DOCK2: variants seen among roughly 807,000 people sequenced by gnomAD.
DOCK2 encodes dedicator of cytokinesis protein 2.
Under a neutral mutation model 248.9 loss-of-function variants are expected in DOCK2, and 87 were observed. That is an observed-to-expected ratio of 0.35 (90% CI 0.29 to 0.42). The LOEUF is 0.42. Ranked by LOEUF, DOCK2 falls within the 10% of genes least tolerant of loss-of-function variation. The pLI, the probability that DOCK2 is intolerant of heterozygous loss-of-function variation, is 1.00. For missense variants in DOCK2, 1,747 were observed against 2,300.2 expected (o/e 0.76, Z 4.92); for synonymous variants, 805 against 821.6 (o/e 0.98, Z 0.35).
intron 25 of DOCK2, among the ~76,000 whole-genome samples, chr5:169,781,275 T>A (rs1765702430): frequency 6.6e-6 from 1 of 152,180 alleles, no homozygotes; most frequent in African/African-American, 2.4e-5. Context: ...GGAATTGATT[T>A]TTTTTCTCAT....
chr5:169,720,343 A>G (rs1159885641), intron 22 of DOCK2, among the ~76,000 whole-genome samples: 5 of 152,348 alleles, frequency 3.3e-5, no homozygotes, highest in African/African-American at 4.8e-5. Flanking sequence ...TGTTTTATGT[A>G]TAAGTAGAAT....
chr5:169,839,148 A>G lies in DOCK2; in HGVS notation c.2704-1609A>G, dbSNP rs565772413. Among the ~76,000 whole-genome samples the G allele has an allele frequency of 3.3e-5, 5 of 152,278 alleles. No homozygotes were observed. The South Asian group carries it at 1.0e-3, about 32-fold the overall frequency. ...GTGTCAGGCTCTGGCTAGGTTCTGG[A>G]GACACAAGGCTGTTCCCAAACCCCC... On this transcript the variant is annotated intron_variant, in intron 26 of 51. Transcript: ENST00000520908.
rs1283312949 is a variant in DOCK2, at chr5:169,765,800, T to C, written c.2554+4175T>C. 2.0e-5 allele frequency among the ~76,000 whole-genome samples: 3 copies of C among 152,062 alleles called. No homozygotes were observed. The East Asian group carries it at 5.8e-4, about 29-fold the overall frequency. Reference sequence around the variant, plus strand: ...TTTATTTTCAGCTGGTGGGTTTTTTTCACTGGGAACTTTATTGAGAAGCTG... The same window carrying C: ...TTTATTTTCAGCTGGTGGGTTTTTTCCACTGGGAACTTTATTGAGAAGCTG... On this transcript the variant is annotated intron_variant, in intron 25 of 51. Coordinates refer to ENST00000520908, the MANE Select transcript of DOCK2 (RefSeq NM_004946.3).
chr5:169,840,951 T>A (rs1419573097), intron 27 of DOCK2, 99 bp downstream of exon 27: 2 of 1,326,610 alleles, frequency 1.5e-6, no homozygotes, highest in Non-Finnish European at 2.1e-6. Context: ...CCAGCATTGA[T>A]CATTGCTTTG....
chr5:169,646,304 C>G (rs192605637), intron 1 of DOCK2, among the ~76,000 whole-genome samples: 5 of 152,272 alleles, frequency 3.3e-5, no homozygotes, highest in African/African-American at 1.2e-4. Context: ...GTCTATATAT[C>G]TGTTTGAGTA....
At chr5:169,786,781 A>G (rs545438584) in intron 25 of DOCK2, among the ~76,000 whole-genome samples, 1 of 152,312 alleles carries the variant, frequency 6.6e-6, no homozygotes, top group South Asian at 2.1e-4. Flanking sequence ...GACTCTATGT[A>G]TACATGTACA....
At chr5:169,741,747 T>C (rs908971973) in intron 22 of DOCK2, among the ~76,000 whole-genome samples, 1 of 151,832 alleles carries the variant, frequency 6.6e-6, no homozygotes, top group Non-Finnish European at 1.5e-5. Context: ...TGACTTGCTC[T>C]TGTTCCTGGG....
intron 26 of DOCK2, among the ~76,000 whole-genome samples, chr5:169,817,332 C>T (rs1183076890): frequency 6.6e-6 from 1 of 152,190 alleles, no homozygotes; most frequent in Non-Finnish European, 1.5e-5. Context: ...CTCTTTTCAA[C>T]TGAAGTAATA....
At position 169,750,873 on chromosome 5, in the gene DOCK2, C is replaced by G. The variant is rs185257193; in HGVS notation, c.2376+3369C>G. On this transcript the variant is annotated intron_variant, in intron 23 of 51. Transcript: ENST00000520908. Reference sequence around the variant, plus strand: ...AACTTAATGATGAGGGCAGAGGTGTCAAGCCCATGTGATGTCAGCAAATCC... The same window carrying G: ...AACTTAATGATGAGGGCAGAGGTGTGAAGCCCATGTGATGTCAGCAAATCC... Among the ~76,000 whole-genome samples the G allele has an allele frequency of 3.3e-5, 5 of 152,280 alleles. No individual in the cohort carries two copies. The East Asian group carries it at 7.7e-4, about 23-fold the overall frequency.
At chr5:169,644,306 C>T (rs1757326658) in intron 1 of DOCK2, among the ~76,000 whole-genome samples, 1 of 152,050 alleles carries the variant, frequency 6.6e-6, no homozygotes, top group Admixed American at 6.6e-5. Context: ...AGGAGAGGGA[C>T]CAGTTAGGCA....
In DOCK2 at chr5:169,862,898, A is replaced by C. The variant is rs373464421; in HGVS notation, c.2799+22046A>C. Among the ~76,000 whole-genome samples the C allele has an allele frequency of 7.2e-5, 11 of 152,318 alleles. No homozygotes were observed. The East Asian group carries it at 2.1e-3, about 29-fold the overall frequency. On this transcript the variant is annotated intron_variant, in intron 27 of 51. Coordinates refer to ENST00000520908, the MANE Select transcript of DOCK2 (RefSeq NM_004946.3). ...TAGCTTAGACACTGGATCTTCAGCCAAGGGAATTACAAAATACCTTCTTCG... is the reference window on the plus strand; with the variant it reads ...TAGCTTAGACACTGGATCTTCAGCCCAGGGAATTACAAAATACCTTCTTCG...
At chr5:169,822,832 C>G (rs1228881000) in intron 26 of DOCK2, among the ~76,000 whole-genome samples, 2 of 152,094 alleles carry the variant, frequency 1.3e-5, no homozygotes, top group African/African-American at 2.4e-5. Context: ...AATCCAGGAG[C>G]TGGTTTTTTG....
intron 49 of DOCK2, chr5:170,079,457 A>G: frequency 3.2e-6 from 1 of 316,362 alleles, no homozygotes; most frequent in South Asian, 3.4e-5. Flanking sequence ...TCTCCCACCA[A>G]AAGGGAGAGC....
At chr5:169,856,783 G>T (rs1770920954) in intron 27 of DOCK2, among the ~76,000 whole-genome samples, 1 of 152,124 alleles carries the variant, frequency 6.6e-6, no homozygotes, top group Non-Finnish European at 1.5e-5. Context: ...CTCAGCACTT[G>T]GTTCATGAGC....
At chr5:170,020,081 C>A (rs1581532213) in intron 33 of DOCK2, among the ~76,000 whole-genome samples, 1 of 152,138 alleles carries the variant, frequency 6.6e-6, no homozygotes, top group African/African-American at 2.4e-5. Flanking sequence ...GAATAAAGCC[C>A]ACACCCTCTA....
intron 27 of DOCK2, among the ~76,000 whole-genome samples, chr5:169,849,185 C>A (rs1196198192): frequency 6.6e-6 from 1 of 152,214 alleles, no homozygotes; most frequent in Non-Finnish European, 1.5e-5. Flanking sequence ...ATAAAGCTAT[C>A]ATTTAATGGC....
chr5:169,678,830 C>T (rs994352765), intron 6 of DOCK2, among the ~76,000 whole-genome samples: 1 of 125,316 alleles, frequency 8.0e-6, no homozygotes, highest in African/African-American at 3.0e-5. Context: ...GAAGCATGGG[C>T]AAGAAGGTTG....
At chr5:169,680,586 T>C (rs1344423497) in intron 6 of DOCK2, among the ~76,000 whole-genome samples, 1 of 152,170 alleles carries the variant, frequency 6.6e-6, no homozygotes, top group Non-Finnish European at 1.5e-5. Context: ...CTGGGCATGG[T>C]GGCATGTGCC....
chr5:169,767,903 G>C (rs1386264868), intron 25 of DOCK2, among the ~76,000 whole-genome samples: 1 of 152,070 alleles, frequency 6.6e-6, no homozygotes, highest in African/African-American at 2.4e-5. Flanking sequence ...AACGTATTAG[G>C]GTATTAATAT....
Sources: gnomAD v4.1 joint callset for allele counts (sites outside exome capture counted in the v4.1 genomes callset) on GRCh38, gnomAD v4.1.1 for gene constraint, MANE v1.5 for transcripts, NCBI Gene and HGNC (gene_info 2026-07-23, HGNC 2026-07-21) for gene names.